Variants in RRBP1 observed in about 807,000 individuals in gnomAD.
RRBP1 encodes the protein ribosome-binding protein 1.
A neutral mutation model predicts 165.2 loss-of-function variants in RRBP1; 94 were observed. The observed-to-expected ratio is 0.57, with a 90% CI of 0.48 to 0.68. The LOEUF is 0.68. Ranked by LOEUF, RRBP1 falls within the 30% of genes least tolerant of loss-of-function variation. The pLI is 0.00. For missense variants in RRBP1, 1,676 were observed against 1,763.0 expected (o/e 0.95, Z 0.88); for synonymous variants, 680 against 714.5 (o/e 0.95, Z 0.77).
chr20:17,624,729 G>A (rs1489837782), intron 12 of RRBP1, 61 bp from the exon 13 acceptor site: 2 of 1,248,406 alleles, frequency 1.6e-6, no homozygotes, highest in African/African-American at 1.5e-5. Context: ...TGCCTAAGCT[G>A]GTGTCAGACA....
At chr20:17,632,193 CTT>C (rs760727019) in intron 8 of RRBP1, among the ~76,000 whole-genome samples, 3 of 152,314 alleles carry the variant, frequency 2.0e-5, no homozygotes, top group South Asian at 2.1e-4. Context: ...GGCACAGAAT[CTT>C]TGGTGTCAGA....
At chr20:17,619,774 G>C in intron 18 of RRBP1, 46 bp from the exon 19 acceptor site, 1 of 1,410,690 alleles carries the variant, frequency 7.1e-7, no homozygotes. Flanking sequence ...AGCAGCCTCT[G>C]CTCAAAGGGC....
rs141391805 is a variant in RRBP1 at position 17,659,991 on chromosome 20, C to T, written c.517G>A (p.Ala173Thr). 2.2e-5 allele frequency: 35 copies of T among 1,610,860 alleles called. No homozygotes were observed. In the African/African-American group the frequency reaches 4.1e-4, roughly 19 times the overall value. ...LTSKAAILET[A>T]PKEVPMVVVP... ...ACCACCATCGGCACCTCCTTGGGAG[C>T]AGTTTCCAAGATGGCAGCCTTCGAA... The change falls in exon 3 of 25, where the codon GCT (alanine) becomes ACT (threonine). Residue 173 changes from alanine to threonine, a missense_variant. By Grantham distance (58) the Ala-to-Thr change is moderately conservative. Transcript: ENST00000377813.
intron 2 of RRBP1, among the ~76,000 whole-genome samples, chr20:17,671,680 G>A (rs1051508440): frequency 6.6e-6 from 1 of 152,128 alleles, no homozygotes; most frequent in Non-Finnish European, 1.5e-5. Flanking sequence ...CTATCATGCT[G>A]CCAGCATTAA....
rs767807523 is a variant in RRBP1 at position 17,659,690 on chromosome 20, TCTACCTTTTTAC to T, written c.806_817del (p.Gly269_Val272del). The T allele has an allele frequency of 4.5e-6, 7 of 1,550,430 alleles. No individual in the cohort carries two copies. The highest frequency in any genetic ancestry group is 6.1e-6 in the Non-Finnish European group (7 of 1,146,980). On this transcript the variant is annotated inframe_deletion, in exon 3 of 25. Coordinates refer to ENST00000377813, the MANE Select transcript of RRBP1 (RefSeq NM_001365613.2). Reference sequence around the variant, plus strand: ...CTTTTTCCCCTGGTTTGGGGTTGTATCTACCTTTTTACCCTGGTTCTGGGCCCCCTCCGCCTT... The same window carrying T: ...CTTTTTCCCCTGGTTTGGGGTTGTATCCTGGTTCTGGGCCCCCTCCGCCTT...
Position 17,616,160 on chromosome 20 carries a change from C to T in RRBP1, c.3868-151G>A, listed in dbSNP as rs2035796270. On this transcript the variant is annotated intron_variant, in intron 21 of 24. Transcript: ENST00000377813. ...TCGTTGGGGAGAGGGCACCTCAGCC[C>T]CTGGTACAGACTTCGGTGTGGCTCA... is the stretch of plus-strand genomic sequence containing the variant. 22 of 654,660 alleles carry T rather than the reference C, an allele frequency of 3.4e-5. No individual in the cohort carries two copies. The South Asian group carries it at 3.6e-4, about 11-fold the overall frequency. The allele number at this position is 654,660 out of a possible 1,614,324, so 40.6% of individuals were successfully genotyped here.
intron 2 of RRBP1, among the ~76,000 whole-genome samples, chr20:17,662,246 G>A (rs1376982181): frequency 6.6e-6 from 1 of 150,674 alleles, no homozygotes; most frequent in Non-Finnish European, 1.5e-5. Flanking sequence ...CTGGGCGACA[G>A]AGCGAGACTC....
chr20:17,677,085 T>A (rs1235362168), intron 2 of RRBP1, among the ~76,000 whole-genome samples: 29 of 149,574 alleles, frequency 1.9e-4, no homozygotes, highest in African/African-American at 6.4e-4. Flanking sequence ...AAAAAAAAAA[T>A]TCCACTTTTA....
rs781387493 is a variant in RRBP1 at position 17,620,383 on chromosome 20, G to A, written c.3508-13C>T. 1.9e-6 allele frequency: 3 copies of A among 1,611,708 alleles called. No homozygotes were observed. Among genetic ancestry groups the A allele is most frequent in the Non-Finnish European group, 2.5e-6 (3 of 1,178,176 alleles). Reference sequence around the variant, plus strand: ...CTGTGACCCGGGACTACAAAGCAAGGGGAAGGCTCCGTCAGACACGAGCAC... The same window carrying A: ...CTGTGACCCGGGACTACAAAGCAAGAGGAAGGCTCCGTCAGACACGAGCAC... On this transcript the variant is annotated splice_polypyrimidine_tract_variant and intron_variant, in intron 17 of 24. Transcript: ENST00000377813.
chr20:17,666,525 A>C (rs964393788), intron 2 of RRBP1, among the ~76,000 whole-genome samples: 1 of 152,184 alleles, frequency 6.6e-6, no homozygotes, highest in African/African-American at 2.4e-5. Flanking sequence ...CCCAGCTATC[A>C]TCTATGTTCT....
At position 17,615,535 on chromosome 20, in the gene RRBP1, C is replaced by T. The variant is rs939856923; in HGVS notation, c.3952-6G>A. 4 of 1,599,860 alleles carry T rather than the reference C, an allele frequency of 2.5e-6. No homozygotes were observed. The highest frequency in any genetic ancestry group is 1.3e-5 in the African/African-American group (1 of 74,176). On this transcript the variant is annotated splice_polypyrimidine_tract_variant and splice_region_variant and intron_variant, in intron 22 of 24. Coordinates refer to ENST00000377813, the MANE Select transcript of RRBP1 (RefSeq NM_001365613.2). ...CGACATGCCGAGGTCTGAGCCTTGCCGGAGAGGGAAGTGAGGTCTGGGTGA... is the reference window on the plus strand; with the variant it reads ...CGACATGCCGAGGTCTGAGCCTTGCTGGAGAGGGAAGTGAGGTCTGGGTGA...
At chr20:17,646,963 G>A (rs897850664) in intron 3 of RRBP1, among the ~76,000 whole-genome samples, 5 of 152,208 alleles carry the variant, frequency 3.3e-5, no homozygotes, top group Non-Finnish European at 5.9e-5. Context: ...GGCTCTCTCA[G>A]TCCACGGGGA....
chr20:17,614,114 T>C lies in RRBP1; in HGVS notation c.*68A>G. ...GATAACGCTGTGTAGGTTGGTTGGTTTATTTGTAAGGAATGTGTAAGGCAT... is the reference window on the plus strand; with the variant it reads ...GATAACGCTGTGTAGGTTGGTTGGTCTATTTGTAAGGAATGTGTAAGGCAT... On this transcript the variant is annotated 3_prime_UTR_variant, in exon 25 of 25. Transcript: ENST00000377813. 1 of 1,525,892 alleles carries C rather than the reference T, an allele frequency of 6.6e-7. No homozygotes were observed. The highest frequency in any genetic ancestry group is 9.1e-7 in the Non-Finnish European group (1 of 1,100,084). 94.5% of individuals were successfully genotyped at this position (1,525,892 alleles called of 1,614,324 possible).
intron 20 of RRBP1, among the ~76,000 whole-genome samples, chr20:17,617,895 G>A (rs1568751177): frequency 6.6e-6 from 1 of 152,256 alleles, no homozygotes; most frequent in Non-Finnish European, 1.5e-5. Flanking sequence ...CGGCCTCACA[G>A]GGTGCTGCTC....
At chr20:17,625,320 T>G (rs992592396) in intron 12 of RRBP1, among the ~76,000 whole-genome samples, 192 bp downstream of exon 12, 1 of 152,106 alleles carries the variant, frequency 6.6e-6, no homozygotes, top group Non-Finnish European at 1.5e-5. Flanking sequence ...CAGTCAGCCC[T>G]GGGTCTTTGG....
Position 17,636,654 on chromosome 20 carries a change from CCTGCTCCCGGGCCACCAG to C in RRBP1, c.2242_2259del (p.Leu748_Gln753del). On this transcript the variant is annotated inframe_deletion, in exon 6 of 25. Coordinates refer to ENST00000377813, the MANE Select transcript of RRBP1 (RefSeq NM_001365613.2). The stretch of plus-strand genomic sequence containing the variant: ...ATGCGTGCCTGCACAGCCGTGATCT[CCTGCTCCCGGGCCACCAG>C]CTGCTTTTTCACTTTGGCCTCCCCG... The C allele has an allele frequency of 6.2e-7, 1 of 1,613,358 alleles. No individual in the cohort carries two copies. Among genetic ancestry groups the C allele is most frequent in the Non-Finnish European group, 8.5e-7 (1 of 1,180,032 alleles).
chr20:17,620,359 T>G lies in RRBP1; in HGVS notation c.3519A>C (p.Thr1173=), dbSNP rs544473053. 4 of 1,613,732 alleles carry G rather than the reference T, an allele frequency of 2.5e-6. No homozygotes were observed. ...CTACAATCTCTTCGAGATGCTTCAC[T>G]GTGACCCGGGACTACAAAGCAAGGG... ...AEEELQKSRV[T]VKHLEEIVEK... The change falls in exon 18 of 25, where the codon ACA becomes ACC. Residue 1173 remains threonine (T), a synonymous_variant. Transcript: ENST00000377813.
intron 13 of RRBP1, among the ~76,000 whole-genome samples, chr20:17,623,506 A>T (rs1053425178): frequency 2.0e-5 from 3 of 152,172 alleles, no homozygotes; most frequent in Non-Finnish European, 4.4e-5. Context: ...GCACCCCAAA[A>T]GCAACCCGTG....
rs1047548814 is a variant in RRBP1, at chr20:17,643,412, G to C, written c.1913-285C>G. ...CCTCTTTTTTTTTTTCCACCATCAA[G>C]ATGGCCTGCAACAAAATTAAGCAAG... On this transcript the variant is annotated intron_variant, in intron 3 of 24. Transcript: ENST00000377813. The surrounding 1 kb of genome is among the most constrained non-coding windows in gnomAD (Gnocchi z 4.3). Among the ~76,000 whole-genome samples the C allele has an allele frequency of 2.6e-5, 4 of 151,818 alleles. No homozygotes were observed. The highest frequency in any genetic ancestry group is 2.9e-5 in the Non-Finnish European group (2 of 67,950).
Sources: gnomAD v4.1 joint callset for allele counts (sites outside exome capture counted in the v4.1 genomes callset) on GRCh38, gnomAD v4.1.1 for gene constraint, Gnocchi (gnomAD v3.1) non-coding constraint, MANE v1.5 for transcripts, NCBI Gene and HGNC (gene_info 2026-07-23, HGNC 2026-07-21) for gene names.